The following LRRTM4 variants were observed in gnomAD, a reference collection of about 807,000 sequenced individuals.
LRRTM4 encodes leucine-rich repeat transmembrane neuronal protein 4.
Under a neutral mutation model 47.6 loss-of-function variants are expected in LRRTM4, and 25 were observed. The observed-to-expected ratio is 0.53, with a 90% CI of 0.38 to 0.73. The LOEUF is 0.73. LRRTM4 is among the 30% of genes least tolerant of loss of function. The pLI, the probability that LRRTM4 is intolerant of heterozygous loss-of-function variation, is 0.00. For missense variants in LRRTM4, 638 were observed against 713.4 expected (o/e 0.89, Z 1.20); for synonymous variants, 311 against 269.5 (o/e 1.15, Z -1.51).
At chr2:77,132,896 A>G (rs1223185098) in intron 3 of LRRTM4, among the ~76,000 whole-genome samples, 1 of 152,180 alleles carries the variant, frequency 6.6e-6, no homozygotes, top group Non-Finnish European at 1.5e-5. Context: ...GTAGGTGTAG[A>G]ACATTGGGAG....
chr2:76,783,441 G>A (rs772137363), intron 3 of LRRTM4, among the ~76,000 whole-genome samples: 11 of 152,052 alleles, frequency 7.2e-5, no homozygotes, highest in Non-Finnish European at 1.5e-4. Context: ...GTTTTGTGGT[G>A]TGAAATACAT....
chr2:77,280,436 A>G (rs1676478298), intron 3 of LRRTM4, among the ~76,000 whole-genome samples: 1 of 152,082 alleles, frequency 6.6e-6, no homozygotes, highest in South Asian at 2.1e-4. Flanking sequence ...ACAAATGCAA[A>G]GGAGCTAACT....
intron 3 of LRRTM4, among the ~76,000 whole-genome samples, chr2:76,791,436 C>T (rs1179534491): frequency 6.6e-6 from 1 of 152,082 alleles, no homozygotes; most frequent in Non-Finnish European, 1.5e-5. Flanking sequence ...GATGATTTAT[C>T]AGAGAATTTA....
chr2:77,486,779 A>T (rs867862505), intron 3 of LRRTM4, among the ~76,000 whole-genome samples: 44 of 152,210 alleles, frequency 2.9e-4, no homozygotes, highest in African/African-American at 1.0e-3. Context: ...AAATAATGAG[A>T]TAATACACAA....
intron 3 of LRRTM4, among the ~76,000 whole-genome samples, chr2:77,412,994 C>T (rs527556058): frequency 3.2e-4 from 49 of 152,242 alleles, no homozygotes; most frequent in African/African-American, 1.0e-3. Flanking sequence ...TTGTGTACAT[C>T]TTCTCTACTG....
At chr2:76,798,335 T>A (rs199508189) in intron 3 of LRRTM4, among the ~76,000 whole-genome samples, 11 of 152,114 alleles carry the variant, frequency 7.2e-5, no homozygotes, top group South Asian at 2.1e-4. Context: ...CTGAACAACC[T>A]GCTCCTGAAT....
At chr2:77,042,381 T>G (rs1276534846) in intron 3 of LRRTM4, among the ~76,000 whole-genome samples, 3 of 151,666 alleles carry the variant, frequency 2.0e-5, no homozygotes. Flanking sequence ...TGTTACACTT[T>G]TCTGTACATA....
At chr2:77,280,308 T>C (rs1457869600) in intron 3 of LRRTM4, among the ~76,000 whole-genome samples, 1 of 152,006 alleles carries the variant, frequency 6.6e-6, no homozygotes, top group African/African-American at 2.4e-5. Flanking sequence ...TACTCACAAC[T>C]TGATTTTAGC....
intron 3 of LRRTM4, among the ~76,000 whole-genome samples, chr2:76,763,806 CAAAT>C (rs1322721299): frequency 1.3e-5 from 2 of 152,018 alleles, no homozygotes; most frequent in Admixed American, 6.6e-5. Flanking sequence ...TGCGGAATCA[CAAAT>C]AAAGAAGAGG....
At chr2:76,934,968 GAAAA>G (rs34194337) in intron 3 of LRRTM4, among the ~76,000 whole-genome samples, 1 of 146,182 alleles carries the variant, frequency 6.8e-6, no homozygotes, top group Admixed American at 6.8e-5. Flanking sequence ...TTCTTTGGAG[GAAAA>G]AAAAAAAGAT....
At chr2:77,174,511 C>T (rs987000270) in intron 3 of LRRTM4, among the ~76,000 whole-genome samples, 13 of 152,140 alleles carry the variant, frequency 8.5e-5, no homozygotes, top group South Asian at 8.3e-4. Context: ...AAAGGGTAAC[C>T]GGTAGTTGTT....
intron 3 of LRRTM4, among the ~76,000 whole-genome samples, chr2:76,945,122 A>C (rs1675280462): frequency 6.6e-6 from 1 of 152,136 alleles, no homozygotes; most frequent in Non-Finnish European, 1.5e-5. Context: ...AGCATATTAC[A>C]CACAAAATAT....
At chr2:77,038,111 G>T (rs1297037362) in intron 3 of LRRTM4, among the ~76,000 whole-genome samples, 1 of 151,554 alleles carries the variant, frequency 6.6e-6, no homozygotes, top group African/African-American at 2.4e-5. Flanking sequence ...ATTTATTGAT[G>T]AATATCTACT....
intron 3 of LRRTM4, among the ~76,000 whole-genome samples, chr2:76,816,778 A>G (rs1191375851): frequency 7.1e-6 from 1 of 141,380 alleles, no homozygotes; most frequent in East Asian, 2.1e-4. Flanking sequence ...CATGACGTGC[A>G]AGTGGGTTAT....
At chr2:76,932,117 T>C (rs1287760267) in intron 3 of LRRTM4, among the ~76,000 whole-genome samples, 2 of 152,168 alleles carry the variant, frequency 1.3e-5, no homozygotes, top group Non-Finnish European at 2.9e-5. Context: ...CCTCCTTGTA[T>C]TGTTTATTGG....
chr2:77,019,253 C>CCAAA (rs1311647672), intron 3 of LRRTM4, among the ~76,000 whole-genome samples: 11 of 80,476 alleles, frequency 1.4e-4, no homozygotes, highest in East Asian at 7.0e-4. Context: ...CACTGCTCTA[C>CCAAA]AAAAAAAAAA....
At chr2:77,494,800 A>C (rs61357250) in intron 3 of LRRTM4, among the ~76,000 whole-genome samples, 49,683 of 151,754 alleles carry the variant, frequency 0.33, 8,247 homozygotes, top group Middle Eastern at 0.35. Flanking sequence ...GTCCTCCTGC[A>C]TCAATCTCCT....
intron 3 of LRRTM4, among the ~76,000 whole-genome samples, chr2:76,791,320 C>T (rs1674957690): frequency 2.0e-5 from 3 of 152,182 alleles, no homozygotes; most frequent in Admixed American, 6.5e-5. Context: ...CATCATTTAT[C>T]TGAAGACACT....
At chr2:76,914,742 A>T (rs1297812951) in intron 3 of LRRTM4, among the ~76,000 whole-genome samples, 1 of 152,136 alleles carries the variant, frequency 6.6e-6, no homozygotes, top group Non-Finnish European at 1.5e-5. Context: ...AATTTATTTG[A>T]CCTAAACTTT....
Sources: gnomAD v4.1 joint callset for allele counts (sites outside exome capture counted in the v4.1 genomes callset) on GRCh38, gnomAD v4.1.1 for gene constraint, MANE v1.5 for transcripts, NCBI Gene and HGNC (gene_info 2026-07-23, HGNC 2026-07-21) for gene names.